KAZN: variants seen among roughly 807,000 people sequenced by gnomAD.
The protein encoded by KAZN is kazrin.
In KAZN, 40 loss-of-function variants were observed where a neutral mutation model predicts 87.4. The ratio of observed to expected loss-of-function variants is 0.46; its 90% CI spans 0.36 to 0.60. KAZN has a LOEUF of 0.60. KAZN is among the 20% of genes least tolerant of loss of function. The pLI is 0.00. For missense variants in KAZN, 898 were observed against 1,073.9 expected (o/e 0.84, Z 2.29); for synonymous variants, 466 against 458.3 (o/e 1.02, Z -0.22).
intron 1 of KAZN, among the ~76,000 whole-genome samples, chr1:14,944,011 T>C (rs1572888333): frequency 6.6e-6 from 1 of 151,808 alleles, no homozygotes; most frequent in South Asian, 2.1e-4. Flanking sequence ...GAGGCGGAGG[T>C]TGTACTGAGC....
At chr1:14,155,030 C>T (rs537238215) in intron 1 of KAZN, among the ~76,000 whole-genome samples, 2 of 134,370 alleles carry the variant, frequency 1.5e-5, no homozygotes, top group East Asian at 5.1e-4. Flanking sequence ...TTTGGAACAT[C>T]GAGGTGATAC....
intron 2 of KAZN, among the ~76,000 whole-genome samples, chr1:15,002,579 A>C (rs1026625677): frequency 7.2e-5 from 11 of 152,164 alleles, no homozygotes; most frequent in African/African-American, 2.7e-4. Context: ...AAGTTTCCTC[A>C]TTCAGAAAAA....
chr1:14,195,575 T>G (rs943130429), intron 2 of KAZN, among the ~76,000 whole-genome samples: 3 of 149,222 alleles, frequency 2.0e-5, no homozygotes, highest in Admixed American at 2.0e-4. Context: ...ACTGACAAAA[T>G]GAGGCAGAAA....
chr1:14,595,416 G>A (rs1017209054), upstream of KAZN, among the ~76,000 whole-genome samples: 11 of 152,022 alleles, frequency 7.2e-5, no homozygotes, highest in South Asian at 6.2e-4. Flanking sequence ...TGTGGCTCAC[G>A]CCTGCAATCC....
At chr1:14,799,130 C>T (rs1049387054) in intron 1 of KAZN, among the ~76,000 whole-genome samples, 4 of 152,150 alleles carry the variant, frequency 2.6e-5, no homozygotes, top group African/African-American at 7.2e-5. Flanking sequence ...GACATGTGTT[C>T]GTTATTTTAA....
In KAZN at chr1:14,883,161, GGC is replaced by G. The variant is rs1208272475; in HGVS notation, c.227-77522_227-77521del. 2.0e-5 allele frequency among the ~76,000 whole-genome samples: 3 copies of G among 151,606 alleles called. No homozygotes were observed. In the East Asian group the frequency reaches 5.8e-4, roughly 29 times the overall value. ...AAATACAAAATTAGCTGGGCGTGAT[GGC>G]ACATGCCTGTAATCCCAGTTACTCA... is the stretch of plus-strand genomic sequence containing the variant. On this transcript the variant is annotated intron_variant, in intron 1 of 14. Coordinates refer to ENST00000376030, the MANE Select transcript of KAZN (RefSeq NM_201628.3).
intron 1 of KAZN, among the ~76,000 whole-genome samples, chr1:14,074,171 A>G (rs2101567707): frequency 6.6e-6 from 1 of 152,266 alleles, no homozygotes; most frequent in Non-Finnish European, 1.5e-5. Context: ...AATATGTTCC[A>G]TCCCCCTACC....
chr1:14,726,537 G>A (rs746409803), intron 1 of KAZN, among the ~76,000 whole-genome samples: 3 of 152,240 alleles, frequency 2.0e-5, no homozygotes, highest in Admixed American at 1.3e-4. Context: ...ATCCTTCCTC[G>A]AGTGTCTGTG....
At chr1:14,960,994 C>A in intron 2 of KAZN, 119 bp downstream of exon 2, 1 of 1,050,286 alleles carries the variant, frequency 9.5e-7, no homozygotes, top group East Asian at 2.7e-5. Context: ...CACCCACCTC[C>A]AGCTGTGGCT....
chr1:15,009,970 C>T (rs776637858), intron 2 of KAZN, among the ~76,000 whole-genome samples: 1 of 152,138 alleles, frequency 6.6e-6, no homozygotes, highest in East Asian at 1.9e-4. Flanking sequence ...TATCATCTCA[C>T]TTGAAAAAAT....
At chr1:15,043,727 T>A (rs1673164537) in intron 3 of KAZN, among the ~76,000 whole-genome samples, 1 of 138,286 alleles carries the variant, frequency 7.2e-6, no homozygotes, top group African/African-American at 2.8e-5. Flanking sequence ...CACTGCAAGC[T>A]CCACCTCCCA....
At chr1:14,394,042 C>T (rs1254029377) in intron 2 of KAZN, among the ~76,000 whole-genome samples, 1 of 152,252 alleles carries the variant, frequency 6.6e-6, no homozygotes, top group East Asian at 1.9e-4. Context: ...TGCTGTGCAG[C>T]TGCTTCAGGC....
chr1:15,104,618 T>C (rs1216964660), intron 13 of KAZN, among the ~76,000 whole-genome samples: 1 of 152,162 alleles, frequency 6.6e-6, no homozygotes, highest in African/African-American at 2.4e-5. Context: ...ATATTAATGA[T>C]GCTTATGGAC....
At chr1:14,399,165 G>GTTTA (rs1327443941) in intron 2 of KAZN, among the ~76,000 whole-genome samples, 2 of 151,864 alleles carry the variant, frequency 1.3e-5, no homozygotes, top group Non-Finnish European at 2.9e-5. Flanking sequence ...TGCCTGGCTA[G>GTTTA]TTTATTTATT....
chr1:14,094,774 A>T (rs1392558018), intron 1 of KAZN, among the ~76,000 whole-genome samples: 2 of 152,212 alleles, frequency 1.3e-5, no homozygotes, highest in Non-Finnish European at 2.9e-5. Context: ...CAGTGAGCAC[A>T]GTGACAGCTG....
At chr1:14,800,988 T>C (rs1459890933) in intron 1 of KAZN, among the ~76,000 whole-genome samples, 2 of 149,956 alleles carry the variant, frequency 1.3e-5, no homozygotes, top group Admixed American at 6.7e-5. Flanking sequence ...ATGAATATGC[T>C]AAAAAACACT....
chr1:14,442,144 C>A (rs1666741092), intron 2 of KAZN, among the ~76,000 whole-genome samples: 1 of 152,190 alleles, frequency 6.6e-6, no homozygotes, highest in Admixed American at 6.5e-5. Context: ...TACTCCTGCC[C>A]ACCTCACAGA....
At chr1:14,683,925 T>G (rs545763271) in intron 1 of KAZN, among the ~76,000 whole-genome samples, 100 of 152,348 alleles carry the variant, frequency 6.6e-4, no homozygotes, top group Admixed American at 1.2e-3. Context: ...TTGAATGATA[T>G]TTCAGCAGCA....
chr1:15,044,707 C>T (rs372900594), intron 4 of KAZN, among the ~76,000 whole-genome samples: 5 of 141,634 alleles, frequency 3.5e-5, no homozygotes, highest in East Asian at 2.0e-4. Context: ...CCAGCCTGGG[C>T]GACAGTGAGA....
Sources: gnomAD v4.1 joint callset for allele counts (sites outside exome capture counted in the v4.1 genomes callset) on GRCh38, gnomAD v4.1.1 for gene constraint, MANE v1.5 for transcripts, NCBI Gene and HGNC (gene_info 2026-07-23, HGNC 2026-07-21) for gene names.